Variants in DNAH14 observed in about 807,000 individuals in gnomAD.
DNAH14 encodes the protein axonemal beta dynein heavy chain 14.
DNAH14 carries 478 observed loss-of-function variants against 520.9 expected under a neutral mutation model. The ratio of observed to expected loss-of-function variants is 0.92; its 90% CI spans 0.85 to 0.99. DNAH14 has a LOEUF of 0.99. Ranked by LOEUF, DNAH14 falls within the 50% of genes least tolerant of loss-of-function variation. DNAH14 has a pLI of 0.00. For synonymous variants in DNAH14, 1,581 were observed against 1,757.2 expected, an observed-to-expected ratio of 0.90 and a Z score of 2.51; for missense variants, 4,831 against 5,234.5, an observed-to-expected ratio of 0.92 and a Z score of 2.38.
intron 8 of DNAH14, among the ~76,000 whole-genome samples, chr1:224,990,160 ATAT>A (rs2125750972): frequency 6.6e-6 from 1 of 152,032 alleles, no homozygotes; most frequent in African/African-American, 2.4e-5. Context: ...GACTTAAATG[ATAT>A]TATATATTTA....
chr1:225,067,882 T>A (rs1174490662), intron 17 of DNAH14, among the ~76,000 whole-genome samples: 1 of 152,180 alleles, frequency 6.6e-6, no homozygotes, highest in Non-Finnish European at 1.5e-5. Flanking sequence ...TTGCAAAAAT[T>A]TTCTCCCATT....
At chr1:225,350,037 C>T (rs1455444479) in intron 71 of DNAH14, among the ~76,000 whole-genome samples, 1 of 152,152 alleles carries the variant, frequency 6.6e-6, no homozygotes, top group Non-Finnish European at 1.5e-5. Context: ...AGATAGACCA[C>T]ATGTTAGACC....
chr1:224,937,360 C>A (rs2059110686), intron 1 of DNAH14, among the ~76,000 whole-genome samples: 1 of 151,878 alleles, frequency 6.6e-6, no homozygotes, highest in Non-Finnish European at 1.5e-5. Context: ...AGTAAAGTTG[C>A]AAGTTACAAA....
In DNAH14 at chr1:225,000,679, C is replaced by T. The variant is rs568310300; in HGVS notation, c.831-2104C>T. Among the ~76,000 whole-genome samples the T allele has an allele frequency of 4.6e-5, 7 of 151,286 alleles. No homozygotes were observed. The East Asian group carries it at 9.7e-4, about 21-fold the overall frequency. On this transcript the variant is annotated intron_variant, in intron 8 of 85. Transcript: ENST00000682510. ...GCAGCCTCTACCTCCTGAGTTCAAA[C>T]GATTCACTTCCCTCATTTTTTTCCT... is the stretch of plus-strand genomic sequence containing the variant.
In DNAH14 at chr1:225,270,794, A is replaced by G. The variant is rs1047391938; in HGVS notation, c.7599A>G (p.Pro2533=). ...TTCCAGTTGTGAATGATATCAGCCCACGTCTTCTCAAACACTTTTCCATGC... is the reference window on the plus strand; with the variant it reads ...TTCCAGTTGTGAATGATATCAGCCCGCGTCTTCTCAAACACTTTTCCATGC... ...ACVPVVNDIS[P]RLLKHFSMLV... is the part of the protein sequence containing the mutation. The change falls in exon 50 of 86, where the codon CCA becomes CCG. Residue 2533 remains proline (P), a synonymous_variant. Coordinates refer to ENST00000682510, the MANE Select transcript of DNAH14 (RefSeq NM_001367479.1). 1.1e-5 allele frequency: 17 copies of G among 1,551,106 alleles called. No individual in the cohort carries two copies. Among genetic ancestry groups the G allele is most frequent in the African/African-American group, 1.4e-5 (1 of 73,014 alleles).
At chr1:225,019,766 TAAAGAATA>T (rs2065510119) in intron 10 of DNAH14, among the ~76,000 whole-genome samples, 2 of 152,114 alleles carry the variant, frequency 1.3e-5, no homozygotes, top group Admixed American at 1.3e-4. Context: ...GACTTTTGGT[TAAAGAATA>T]AAATTAAGGC....
chr1:225,064,935 T>A (rs1157202010), intron 17 of DNAH14, among the ~76,000 whole-genome samples: 3 of 152,046 alleles, frequency 2.0e-5, no homozygotes, highest in Non-Finnish European at 4.4e-5. Flanking sequence ...ATGATTTTTT[T>A]AAAAACCTAG....
At chr1:225,049,773 CCTATCTATCTATCTAT>C (rs3047105) in intron 15 of DNAH14, among the ~76,000 whole-genome samples, 19 of 142,918 alleles carry the variant, frequency 1.3e-4, no homozygotes, top group East Asian at 6.0e-4. Flanking sequence ...TATCTATCTA[CCTATCTATCTATCTAT>C]CTATCTATCT....
At chr1:225,190,374 G>A (rs907358492) in intron 37 of DNAH14, among the ~76,000 whole-genome samples, 1 of 151,962 alleles carries the variant, frequency 6.6e-6, no homozygotes, top group Non-Finnish European at 1.5e-5. Flanking sequence ...TGACTGATTA[G>A]CAGGTAGATT....
intron 27 of DNAH14, among the ~76,000 whole-genome samples, chr1:225,132,963 T>C (rs945963561): frequency 3.9e-5 from 6 of 152,246 alleles, no homozygotes; most frequent in Non-Finnish European, 7.3e-5. Flanking sequence ...TTTGCATTTC[T>C]CTAACAATTA....
intron 17 of DNAH14, among the ~76,000 whole-genome samples, chr1:225,068,577 G>A (rs1323805351): frequency 6.6e-6 from 1 of 152,178 alleles, no homozygotes; most frequent in Non-Finnish European, 1.5e-5. Context: ...TCCTATCCAT[G>A]AGCATGGAAT....
At chr1:225,311,227 G>T (rs188871440) in intron 60 of DNAH14, among the ~76,000 whole-genome samples, 3 of 151,962 alleles carry the variant, frequency 2.0e-5, no homozygotes, top group East Asian at 3.9e-4. Context: ...TCATATGTTT[G>T]TTGGCCACAT....
chr1:225,080,447 C>G lies in DNAH14; in HGVS notation c.2835C>G (p.Leu945=). 6.4e-7 allele frequency: 1 copy of G among 1,551,582 alleles called. No individual in the cohort carries two copies. The highest frequency in any genetic ancestry group is 1.2e-5 in the South Asian group (1 of 84,028). The stretch of plus-strand genomic sequence containing the variant: ...CAGCAATGGAAATGATCCAGACTCT[C>G]TCAGGGGAAGCTGCAAGTTTAACTA... The part of the protein sequence containing the change: ...VSTAMEMIQT[L]SGEAASLTNK... The change falls in exon 19 of 86, where the codon CTC becomes CTG. Residue 945 remains leucine, a synonymous_variant. Transcript: ENST00000682510.
chr1:225,374,016 G>C (rs534530935), intron 77 of DNAH14, among the ~76,000 whole-genome samples: 1 of 149,146 alleles, frequency 6.7e-6, no homozygotes, highest in East Asian at 2.0e-4. Flanking sequence ...AGCTGAGGTG[G>C]GAGAATCGCC....
chr1:225,175,306 G>A (rs902844477), intron 36 of DNAH14, among the ~76,000 whole-genome samples: 2 of 152,100 alleles, frequency 1.3e-5, no homozygotes, highest in Admixed American at 6.5e-5. Flanking sequence ...TTCTTTGATG[G>A]AAAACTCTTT....
At position 225,346,175 on chromosome 1, in the gene DNAH14, T is replaced by G; in HGVS notation, c.10892T>G (p.Leu3631Arg). 6.4e-7 allele frequency: 1 copy of G among 1,551,638 alleles called. No homozygotes were observed. The highest frequency in any genetic ancestry group is 1.2e-5 in the South Asian group (1 of 84,050). ...ATCAACTACATGTACCAGTTCTCCC[T>G]AGACTGGTTTCATCAGGTTTTTGTT... ...TQINYMYQFS[L>R]DWFHQVFVSS... The change falls in exon 70 of 86, where the codon CTA becomes CGA. Residue 3631 changes from leucine to arginine, a missense_variant. By Grantham distance (102) the Leu-to-Arg change is moderately radical (BLOSUM62 -2). Transcript: ENST00000682510.
At chr1:225,387,167 C>T (rs1252690803) in intron 81 of DNAH14, among the ~76,000 whole-genome samples, 1 of 151,534 alleles carries the variant, frequency 6.6e-6, no homozygotes, top group Non-Finnish European at 1.5e-5. Flanking sequence ...TATTCTCACT[C>T]ATAGGTGGGA....
chr1:224,979,320 TAGA>T (rs2062093192), intron 8 of DNAH14, among the ~76,000 whole-genome samples: 1 of 152,098 alleles, frequency 6.6e-6, no homozygotes, highest in South Asian at 2.1e-4. Context: ...TCTGAGCACT[TAGA>T]GGAGGGAGAG....
rs369223685 is a variant in DNAH14 at position 225,308,301 on chromosome 1, T to C, written c.9131T>C (p.Met3044Thr). 2 of 1,539,132 alleles carry C rather than the reference T, an allele frequency of 1.3e-6. No homozygotes were observed. The change falls in exon 60 of 86, where the codon ATG becomes ACG. Residue 3044 changes from methionine (M) to threonine (T), a missense_variant. Physicochemically the swap from Met to Thr is moderately conservative, Grantham distance 81 (BLOSUM62 -1). Transcript: ENST00000682510. Reference sequence around the variant, plus strand: ...CTTCATTAGGAAACAGAAACTCTAATGGAAAAACTACGGAAAGATTCACAA... The same window carrying C: ...CTTCATTAGGAAACAGAAACTCTAACGGAAAAACTACGGAAAGATTCACAA... ...EQKTKETETL[M>T]EKLRKDSQVV... is the part of the protein sequence containing the mutation.
Sources: gnomAD v4.1 joint callset for allele counts (sites outside exome capture counted in the v4.1 genomes callset) on GRCh38, gnomAD v4.1.1 for gene constraint, MANE v1.5 for transcripts, NCBI Gene and HGNC (gene_info 2026-07-23, HGNC 2026-07-21) for gene names.